Variants in RIMS1 observed in about 807,000 individuals in gnomAD.
RIMS1 encodes regulating synaptic membrane exocytosis protein 1.
A neutral mutation model predicts 214.1 loss-of-function variants in RIMS1; 83 were observed. That is an observed-to-expected ratio of 0.39 (90% CI 0.32 to 0.47). RIMS1 has a LOEUF of 0.47. RIMS1 is among the 20% of genes least tolerant of loss of function. The probability of loss-of-function intolerance (pLI) is 0.99; values close to 1 mark genes in which losing one functional copy is unlikely to be tolerated. For missense variants in RIMS1, 2,050 were observed against 2,161.8 expected, an observed-to-expected ratio of 0.95 and a Z score of 1.03; for synonymous variants, 793 against 786.8, an observed-to-expected ratio of 1.01 and a Z score of -0.13.
chr6:72,354,275 A>G (rs148469663), intron 29 of RIMS1, among the ~76,000 whole-genome samples: 1,535 of 152,266 alleles, frequency 0.01, 21 homozygotes, highest in African/African-American at 0.035. Context: ...GCGCCTACAT[A>G]TTCTGTCTTC....
chr6:72,129,783 A>T (rs1469351908), intron 4 of RIMS1, among the ~76,000 whole-genome samples: 2 of 152,116 alleles, frequency 1.3e-5, no homozygotes, highest in African/African-American at 4.8e-5. Flanking sequence ...TTGTGGTAAA[A>T]TGGTAACTGC....
chr6:72,059,703 A>G (rs182767387), intron 2 of RIMS1, among the ~76,000 whole-genome samples: 4 of 152,336 alleles, frequency 2.6e-5, no homozygotes, highest in Admixed American at 1.3e-4. Flanking sequence ...TAATGTACTT[A>G]TTAGTGGTGG....
At chr6:72,377,072 T>C (rs1462912294) in intron 29 of RIMS1, among the ~76,000 whole-genome samples, 1 of 152,186 alleles carries the variant, frequency 6.6e-6, no homozygotes, top group Non-Finnish European at 1.5e-5. Context: ...TTAGTCTCCT[T>C]CCTTGACAAA....
At chr6:71,938,436 A>C (rs1785088602) in intron 1 of RIMS1, among the ~76,000 whole-genome samples, 2 of 152,184 alleles carry the variant, frequency 1.3e-5, no homozygotes, top group Non-Finnish European at 2.9e-5. Context: ...TCTGTCCATG[A>C]CATTCTTTGA....
chr6:72,025,108 T>A (rs969017958), intron 2 of RIMS1, among the ~76,000 whole-genome samples: 1 of 152,096 alleles, frequency 6.6e-6, no homozygotes, highest in African/African-American at 2.4e-5. Context: ...TTCACCATGT[T>A]GGCCAGGCTG....
intron 1 of RIMS1, among the ~76,000 whole-genome samples, chr6:71,950,698 A>T (rs564420700): frequency 1.3e-5 from 2 of 152,298 alleles, no homozygotes; most frequent in Admixed American, 1.3e-4. Flanking sequence ...CAAACATTTC[A>T]AGATTTATTT....
intron 5 of RIMS1, among the ~76,000 whole-genome samples, chr6:72,180,605 T>C (rs993376675): frequency 4.6e-5 from 7 of 152,236 alleles, no homozygotes; most frequent in African/African-American, 1.7e-4. Context: ...TTATTTACTT[T>C]GATTGATTCA....
At chr6:72,089,938 C>A (rs2153791373) in intron 2 of RIMS1, among the ~76,000 whole-genome samples, 1 of 145,400 alleles carries the variant, frequency 6.9e-6, no homozygotes, top group Non-Finnish European at 1.5e-5. Flanking sequence ...CCAAACACCG[C>A]ATATTCTCAC....
rs185398393 is a variant in RIMS1 at position 72,307,966 on chromosome 6, C to T, written c.3963+596C>T. Among the ~76,000 whole-genome samples the T allele has an allele frequency of 1.8e-3, 271 of 151,980 alleles. 2 individuals carry two copies. The highest frequency in any genetic ancestry group is 3.4e-3 in the Middle Eastern group (1 of 294). Reference sequence around the variant, plus strand: ...CATTAGTCAAATTCACATAAATAAGCAAGATATATGAAGCCATTTTGTTGC... The same window carrying T: ...CATTAGTCAAATTCACATAAATAAGTAAGATATATGAAGCCATTTTGTTGC... On this transcript the variant is annotated intron_variant, in intron 27 of 33. Coordinates refer to ENST00000521978, the MANE Select transcript of RIMS1 (RefSeq NM_014989.7).
At chr6:72,346,249 A>G (rs534935116) in intron 29 of RIMS1, among the ~76,000 whole-genome samples, 1 of 151,932 alleles carries the variant, frequency 6.6e-6, no homozygotes, top group African/African-American at 2.4e-5. Context: ...TAGATAAAGA[A>G]AAGGTATCAG....
At chr6:71,926,586 CA>C (rs1781635946) in intron 1 of RIMS1, among the ~76,000 whole-genome samples, 1 of 152,164 alleles carries the variant, frequency 6.6e-6, no homozygotes, top group South Asian at 2.1e-4. Flanking sequence ...ACTTGTCTCT[CA>C]TTTCTTCACT....
chr6:71,903,844 A>G (rs1774486746), intron 1 of RIMS1, among the ~76,000 whole-genome samples: 1 of 152,008 alleles, frequency 6.6e-6, no homozygotes, highest in East Asian at 1.9e-4. Context: ...TTGAGTTTCC[A>G]TGTTGAGACA....
At chr6:72,292,433 A>G (rs1420788294) in intron 26 of RIMS1, among the ~76,000 whole-genome samples, 1 of 152,176 alleles carries the variant, frequency 6.6e-6, no homozygotes, top group Non-Finnish European at 1.5e-5. Context: ...ATCATACTGA[A>G]TCCTTTACAA....
At chr6:72,020,664 G>T (rs1208456548) in intron 2 of RIMS1, among the ~76,000 whole-genome samples, 3 of 152,122 alleles carry the variant, frequency 2.0e-5, no homozygotes, top group Non-Finnish European at 4.4e-5. Flanking sequence ...AGAAATGTTG[G>T]ACTATTCTTC....
intron 2 of RIMS1, among the ~76,000 whole-genome samples, chr6:72,031,257 C>A (rs1001234243): frequency 1.3e-5 from 2 of 152,074 alleles, no homozygotes; most frequent in African/African-American, 4.8e-5. Flanking sequence ...CTCTGATTTT[C>A]TGTCTGAGGG....
Position 72,238,907 on chromosome 6 carries a change from T to TC in RIMS1, c.1957+986dup, listed in dbSNP as rs2065455732. On this transcript the variant is annotated intron_variant, in intron 9 of 33. Coordinates refer to ENST00000521978, the MANE Select transcript of RIMS1 (RefSeq NM_014989.7). ...CCAGGATATCAGTTCAAAATCATTTTCATTTTTTTTTTAATTTGACAAGGA... is the reference window on the plus strand; with the variant it reads ...CCAGGATATCAGTTCAAAATCATTTTCCATTTTTTTTTTAATTTGACAAGGA... 6.6e-5 allele frequency among the ~76,000 whole-genome samples: 10 copies of TC among 152,276 alleles called. No homozygotes were observed. In the South Asian group the frequency reaches 2.1e-3, roughly 32 times the overall value.
intron 1 of RIMS1, among the ~76,000 whole-genome samples, chr6:71,946,542 T>C (rs1280689702): frequency 1.3e-5 from 2 of 152,174 alleles, no homozygotes; most frequent in African/African-American, 4.8e-5. Flanking sequence ...AAAGGCAGTT[T>C]CTTCAATAAA....
chr6:72,133,429 A>G (rs936171384), intron 4 of RIMS1, among the ~76,000 whole-genome samples: 1 of 152,174 alleles, frequency 6.6e-6, no homozygotes, highest in African/African-American at 2.4e-5. Flanking sequence ...GAGGATATTC[A>G]AAACTAGAAA....
chr6:72,267,003 T>C (rs939593310), intron 22 of RIMS1, among the ~76,000 whole-genome samples: 4 of 152,116 alleles, frequency 2.6e-5, no homozygotes, highest in Non-Finnish European at 5.9e-5. Context: ...GAGATATTTA[T>C]TTCTGGAATT....
Sources: gnomAD v4.1 joint callset for allele counts (sites outside exome capture counted in the v4.1 genomes callset) on GRCh38, gnomAD v4.1.1 for gene constraint, MANE v1.5 for transcripts, NCBI Gene and HGNC (gene_info 2026-07-23, HGNC 2026-07-21) for gene names.